The following CCDC73 variants were observed in gnomAD, a reference collection of about 807,000 sequenced individuals.
CCDC73 encodes the protein coiled-coil domain containing 73.
A neutral mutation model predicts 116.5 loss-of-function variants in CCDC73; 95 were observed. The ratio of observed to expected loss-of-function variants is 0.82; its 90% confidence interval spans 0.69 to 0.97. The LOEUF (loss-of-function observed/expected upper bound fraction) is 0.97, where lower values mean the gene tolerates loss of function less well. Ranked by LOEUF, CCDC73 falls within the 50% of genes least tolerant of loss-of-function variation. CCDC73 has a pLI of 0.00. For missense variants in CCDC73, 1,066 were observed against 1,206.8 expected, an observed-to-expected ratio of 0.88 and a Z score of 1.73; for synonymous variants, 398 against 401.3, an observed-to-expected ratio of 0.99 and a Z score of 0.10.
intron 14 of CCDC73, among the ~76,000 whole-genome samples, chr11:32,627,389 A>C (rs1274226742): frequency 3.9e-5 from 6 of 152,250 alleles, no homozygotes; most frequent in Non-Finnish European, 7.3e-5. Context: ...AAACTAGTTC[A>C]ACCACTGTGG....
chr11:32,748,133 G>A (rs1850256909), intron 2 of CCDC73, among the ~76,000 whole-genome samples: 1 of 151,986 alleles, frequency 6.6e-6, no homozygotes, highest in African/African-American at 2.4e-5. Context: ...TACATTCAAT[G>A]TTATTATTGA....
At chr11:32,671,986 G>T (rs1341487538) in intron 9 of CCDC73, among the ~76,000 whole-genome samples, 1 of 152,088 alleles carries the variant, frequency 6.6e-6, no homozygotes, top group Non-Finnish European at 1.5e-5. Flanking sequence ...ATCCACTAAG[G>T]GTATCTCTCC....
chr11:32,775,041 T>C (rs79296419), intron 1 of CCDC73, among the ~76,000 whole-genome samples: 4,545 of 152,236 alleles, frequency 0.03, 88 homozygotes, highest in Non-Finnish European at 0.039. Flanking sequence ...AAAATAACAT[T>C]TTAAAAATTA....
intron 15 of CCDC73, among the ~76,000 whole-genome samples, chr11:32,615,686 T>A (rs1855467204): frequency 6.6e-6 from 1 of 152,142 alleles, no homozygotes. Context: ...TTTTTCAAGA[T>A]GGAAGAATTA....
chr11:32,670,298 G>A (rs1365304496), intron 9 of CCDC73, among the ~76,000 whole-genome samples: 5 of 152,066 alleles, frequency 3.3e-5, no homozygotes, highest in African/African-American at 1.2e-4. Context: ...AGAGGCAGGC[G>A]GATTACAAGG....
At chr11:32,698,456 G>T (rs1184352858) in intron 6 of CCDC73, among the ~76,000 whole-genome samples, 1 of 152,144 alleles carries the variant, frequency 6.6e-6, no homozygotes, top group Non-Finnish European at 1.5e-5. Context: ...GTGAAGTTCG[G>T]TCCTCCTTAT....
intron 2 of CCDC73, among the ~76,000 whole-genome samples, chr11:32,751,933 G>A (rs752813230): frequency 6.6e-6 from 1 of 152,172 alleles, no homozygotes; most frequent in Non-Finnish European, 1.5e-5. Context: ...GGCTTAGCAA[G>A]ACAGGTCTGC....
intron 1 of CCDC73, among the ~76,000 whole-genome samples, chr11:32,766,476 A>G (rs530660625): frequency 2.6e-4 from 39 of 152,324 alleles, no homozygotes; most frequent in African/African-American, 7.5e-4. Flanking sequence ...GGCAGGAGAA[A>G]GAAATAAAGG....
At chr11:32,803,800 T>TTTTG in the CCDC73 span, among the ~76,000 whole-genome samples, 544 of 152,144 alleles carry the variant, frequency 3.6e-3, 6 homozygotes, top group African/African-American at 0.013. Flanking sequence ...AAACCTGGTG[T>TTTTG]TTTGTTTGTT....
intron 1 of CCDC73, among the ~76,000 whole-genome samples, chr11:32,778,060 A>G (rs867020040): frequency 1.6e-4 from 25 of 152,356 alleles, no homozygotes; most frequent in African/African-American, 5.8e-4. Flanking sequence ...GCAGAAAACC[A>G]TATTACGTAT....
chr11:32,748,725 C>A (rs1850262018), intron 2 of CCDC73, among the ~76,000 whole-genome samples: 1 of 152,158 alleles, frequency 6.6e-6, no homozygotes. Flanking sequence ...TTTAGCATTT[C>A]TTGTAGGACA....
intron 2 of CCDC73, among the ~76,000 whole-genome samples, chr11:32,748,685 CATCCTTTTCTTT>C (rs1161570300): frequency 1.3e-5 from 2 of 152,194 alleles, no homozygotes; most frequent in Non-Finnish European, 2.9e-5. Flanking sequence ...CACTGATTAA[CATCCTTTTCTTT>C]TGGACTGAAG....
intron 17 of CCDC73, among the ~76,000 whole-genome samples, chr11:32,609,908 T>C (rs1855397880): frequency 6.6e-6 from 1 of 151,548 alleles, no homozygotes; most frequent in East Asian, 1.9e-4. Flanking sequence ...GCCTTCCGAG[T>C]AGGTGGGACT....
chr11:32,652,072 T>C (rs985503212), intron 12 of CCDC73, among the ~76,000 whole-genome samples: 3 of 152,164 alleles, frequency 2.0e-5, no homozygotes, highest in African/African-American at 7.2e-5. Flanking sequence ...CTCTAAAAAC[T>C]TTCCTTTTTG....
intron 6 of CCDC73, among the ~76,000 whole-genome samples, chr11:32,694,599 AAAAC>A (rs1452505768): frequency 6.6e-6 from 1 of 152,222 alleles, no homozygotes; most frequent in Non-Finnish European, 1.5e-5. Context: ...TATAATTAAA[AAAAC>A]AATTAAAAAT....
chr11:32,666,302 A>T (rs562995903), intron 9 of CCDC73, among the ~76,000 whole-genome samples: 44 of 152,208 alleles, frequency 2.9e-4, no homozygotes, highest in Non-Finnish European at 5.4e-4. Context: ...TACACCAACC[A>T]GGCATAGATT....
At chr11:32,653,834 C>A (rs115956601) in intron 11 of CCDC73, 144 bp downstream of exon 11, 2 of 893,188 alleles carry the variant, frequency 2.2e-6, no homozygotes, top group Middle Eastern at 2.7e-4. Context: ...TATATTGAGA[C>A]TGATTTTAAA....
Position 32,616,119 on chromosome 11 carries a change from T to G in CCDC73, c.1196A>C (p.Glu399Ala). Residue 399 changes from glutamate (E) to alanine (A), a missense_variant, in exon 15 of 18, where the codon GAA becomes GCA. Physicochemically the swap from Glu to Ala is moderately radical, Grantham distance 107. Coordinates refer to ENST00000335185, the MANE Select transcript of CCDC73 (RefSeq NM_001008391.4). ...CATTTCACTGTTTTCATTATTTACT[T>G]CTGGAACATTCTAGTGTAAAATGGA... ...EEDKKFQNVP[E>A]VNNENSEMST... 1 of 1,572,246 alleles carries G rather than the reference T, an allele frequency of 6.4e-7. No homozygotes were observed. Among genetic ancestry groups the G allele is most frequent in the Non-Finnish European group, 8.6e-7 (1 of 1,165,432 alleles).
At chr11:32,781,989 C>T (rs1050482721) in intron 1 of CCDC73, among the ~76,000 whole-genome samples, 27 of 152,162 alleles carry the variant, frequency 1.8e-4, no homozygotes, top group African/African-American at 6.0e-4. Context: ...CGCATTTCCA[C>T]CTGAGCTGCC....
Sources: gnomAD v4.1 joint callset for allele counts (sites outside exome capture counted in the v4.1 genomes callset) on GRCh38, gnomAD v4.1.1 for gene constraint, MANE v1.5 for transcripts, NCBI Gene and HGNC (gene_info 2026-07-23, HGNC 2026-07-21) for gene names.